Variants in CNTNAP5 observed in about 807,000 individuals in gnomAD.
CNTNAP5 encodes the protein contactin associated protein family member 5, also known as contactin-associated protein-like 5.
CNTNAP5 carries 72 observed loss-of-function variants against 150.2 expected under a neutral mutation model. That is an observed-to-expected ratio of 0.48 (90% CI 0.40 to 0.58). The LOEUF (loss-of-function observed/expected upper bound fraction) is 0.58, where lower values mean the gene tolerates loss of function less well. CNTNAP5 is among the 20% of genes least tolerant of loss of function. The probability of loss-of-function intolerance (pLI) is 0.00; values close to 1 mark genes in which losing one functional copy is unlikely to be tolerated. For missense variants in CNTNAP5, 1,636 were observed against 1,626.2 expected, an observed-to-expected ratio of 1.01 and a Z score of -0.10; for synonymous variants, 672 against 619.8, an observed-to-expected ratio of 1.08 and a Z score of -1.25.
At chr2:124,466,166 C>T (rs935151646) in intron 6 of CNTNAP5, among the ~76,000 whole-genome samples, 1 of 152,052 alleles carries the variant, frequency 6.6e-6, no homozygotes, top group Admixed American at 6.6e-5. Context: ...ATTTTTACTT[C>T]AAGAAAATAA....
In CNTNAP5 at chr2:124,777,123, C is replaced by T. The variant is rs577941567; in HGVS notation, c.2752+4106C>T. Among the ~76,000 whole-genome samples the T allele has an allele frequency of 8.7e-4, 130 of 149,748 alleles. 1 individual carries two copies. Among genetic ancestry groups the T allele is most frequent in the Middle Eastern group, 3.4e-3 (1 of 290 alleles). Reference sequence around the variant, plus strand: ...ACACTAGAAGAGCACCCAGTGGCCACTCAAAAATGCTTCTTTAGTGGGGAA... The same window carrying T: ...ACACTAGAAGAGCACCCAGTGGCCATTCAAAAATGCTTCTTTAGTGGGGAA... On this transcript the variant is annotated intron_variant, in intron 17 of 23. Coordinates refer to ENST00000682447, the MANE Select transcript of CNTNAP5 (RefSeq NM_001367498.1).
intron 21 of CNTNAP5, among the ~76,000 whole-genome samples, chr2:124,871,245 T>C (rs978145768): frequency 1.4e-5 from 2 of 144,574 alleles, no homozygotes; most frequent in African/African-American, 5.8e-5. Flanking sequence ...CTGTTTAAGG[T>C]TCCCTTCATT....
chr2:124,408,482 CT>C (rs1573973303), intron 3 of CNTNAP5, among the ~76,000 whole-genome samples: 1 of 152,084 alleles, frequency 6.6e-6, no homozygotes, highest in African/African-American at 2.4e-5. Flanking sequence ...TTAAATGTCT[CT>C]GTCTGACAGC....
intron 1 of CNTNAP5, among the ~76,000 whole-genome samples, chr2:124,041,643 AT>A (rs1162179206): frequency 2.6e-5 from 4 of 152,134 alleles, no homozygotes; most frequent in Non-Finnish European, 5.9e-5. Context: ...GTCTGGAGAC[AT>A]TTTTGGTTGT....
chr2:124,149,702 C>T (rs993544329), intron 1 of CNTNAP5, among the ~76,000 whole-genome samples: 11 of 152,214 alleles, frequency 7.2e-5, no homozygotes, highest in African/African-American at 1.9e-4. Context: ...AGAATAGCAA[C>T]AGTCAGGCTG....
chr2:124,203,803 C>T (rs1277650678), intron 1 of CNTNAP5, among the ~76,000 whole-genome samples: 1 of 152,164 alleles, frequency 6.6e-6, no homozygotes, highest in East Asian at 1.9e-4. Context: ...GCCCTGGGCC[C>T]AGACCACAAA....
At chr2:124,659,774 T>C (rs982356774) in intron 13 of CNTNAP5, among the ~76,000 whole-genome samples, 20 of 152,296 alleles carry the variant, frequency 1.3e-4, no homozygotes, top group African/African-American at 4.8e-4. Flanking sequence ...TACAGGGCTC[T>C]GAAAAGGAGA....
At chr2:124,223,636 C>A (rs1455614667) in intron 2 of CNTNAP5, among the ~76,000 whole-genome samples, 4 of 151,864 alleles carry the variant, frequency 2.6e-5, no homozygotes, top group African/African-American at 9.7e-5. Context: ...TGCCTAATAG[C>A]TCCTGAGCAG....
At chr2:124,339,660 C>T (rs940350039) in intron 3 of CNTNAP5, among the ~76,000 whole-genome samples, 1 of 152,184 alleles carries the variant, frequency 6.6e-6, no homozygotes, top group Non-Finnish European at 1.5e-5. Flanking sequence ...AACCAATTCA[C>T]TGAGACCATG....
At chr2:124,364,678 G>A (rs1472071420) in intron 3 of CNTNAP5, among the ~76,000 whole-genome samples, 1 of 152,166 alleles carries the variant, frequency 6.6e-6, no homozygotes, top group Admixed American at 6.5e-5. Context: ...TCTAAAGCAA[G>A]AAAGAGATAT....
chr2:124,546,070 C>A (rs776016285), intron 10 of CNTNAP5, among the ~76,000 whole-genome samples: 1 of 152,070 alleles, frequency 6.6e-6, no homozygotes, highest in Non-Finnish European at 1.5e-5. Flanking sequence ...CTGATTAAGT[C>A]CATCTGGAAT....
At chr2:124,096,893 G>A (rs1466075137) in intron 1 of CNTNAP5, among the ~76,000 whole-genome samples, 1 of 149,350 alleles carries the variant, frequency 6.7e-6, no homozygotes, top group Non-Finnish European at 1.5e-5. Context: ...TAGTAGAGAC[G>A]GGGTTTCACC....
intron 4 of CNTNAP5, among the ~76,000 whole-genome samples, chr2:124,419,140 C>CAAAAAAAAAAAAAAAAAAAAAAAAAA (rs778863758): frequency 2.8e-4 from 8 of 28,912 alleles, no homozygotes; most frequent in Non-Finnish European, 3.3e-4. Flanking sequence ...GACTCCTTCT[C>CAAAAAAAAAAAAAAAAAAAAAAAAAA]AAAAAAAAAA....
chr2:124,388,587 T>C (rs1296804488), intron 3 of CNTNAP5, among the ~76,000 whole-genome samples: 1 of 152,248 alleles, frequency 6.6e-6, no homozygotes, highest in African/African-American at 2.4e-5. Flanking sequence ...AGCATTTATA[T>C]GTTCCCGCTC....
intron 6 of CNTNAP5, among the ~76,000 whole-genome samples, chr2:124,469,004 G>A (rs989218229): frequency 6.6e-6 from 1 of 152,236 alleles, no homozygotes; most frequent in Non-Finnish European, 1.5e-5. Context: ...ACTTCTGGAG[G>A]CAGTACCTTT....
intron 19 of CNTNAP5, among the ~76,000 whole-genome samples, chr2:124,854,784 CA>C (rs1677317220): frequency 6.6e-6 from 1 of 152,130 alleles, no homozygotes; most frequent in Non-Finnish European, 1.5e-5. Context: ...ATGAGAAAGA[CA>C]AAAGAGTCTT....
chr2:124,539,813 T>C (rs986172977), intron 10 of CNTNAP5, among the ~76,000 whole-genome samples: 2 of 152,162 alleles, frequency 1.3e-5, no homozygotes, highest in African/African-American at 4.8e-5. Context: ...TTTACCTACA[T>C]ATATAACCTA....
chr2:124,649,457 T>C (rs1179562910), intron 13 of CNTNAP5, among the ~76,000 whole-genome samples: 2 of 152,214 alleles, frequency 1.3e-5, no homozygotes, highest in African/African-American at 4.8e-5. Flanking sequence ...AGGTTTCGGT[T>C]TGGCCGAATT....
chr2:124,713,218 T>G (rs1679845598), intron 13 of CNTNAP5, among the ~76,000 whole-genome samples: 1 of 106,316 alleles, frequency 9.4e-6, no homozygotes, highest in Admixed American at 8.9e-5. Flanking sequence ...TTTCTTTCTC[T>G]GTTTCTTTCT....
Sources: gnomAD v4.1 joint callset for allele counts (sites outside exome capture counted in the v4.1 genomes callset) on GRCh38, gnomAD v4.1.1 for gene constraint, MANE v1.5 for transcripts, NCBI Gene and HGNC (gene_info 2026-07-23, HGNC 2026-07-21) for gene names.